Variants in AMZ2 observed in about 807,000 individuals in gnomAD.
AMZ2 encodes archaemetzincin-2.
AMZ2 carries 26 observed loss-of-function variants against 36.7 expected under a neutral mutation model. That is an observed-to-expected ratio of 0.71 (90% CI 0.52 to 0.98). The LOEUF (loss-of-function observed/expected upper bound fraction) is 0.98. AMZ2 is among the 50% of genes least tolerant of loss of function. The probability of loss-of-function intolerance (pLI) is 0.00; values close to 1 mark genes in which losing one functional copy is unlikely to be tolerated. For missense variants in AMZ2, 394 were observed against 430.5 expected, an observed-to-expected ratio of 0.92 and a Z score of 0.75; for synonymous variants, 144 against 149.1, an observed-to-expected ratio of 0.97 and a Z score of 0.25.
chr17:68,247,967 G>A (rs1259096294), upstream of AMZ2: 19 of 984,804 alleles, frequency 1.9e-5, 1 homozygote, highest in Admixed American at 9.8e-4. Flanking sequence ...GTTGGGCGGG[G>A]CCCACAGGGC....
At chr17:68,254,335 C>T (rs1200051333) in intron 4 of AMZ2, 69 bp from the exon 5 acceptor site, 2 of 1,490,436 alleles carry the variant, frequency 1.3e-6, no homozygotes, top group East Asian at 2.3e-5. Flanking sequence ...GGCCAGCAGT[C>T]TCTTCTTTCT....
chr17:68,238,220 T>C (rs1320259588), intron 1 of AMZ2, among the ~76,000 whole-genome samples: 2 of 152,170 alleles, frequency 1.3e-5, no homozygotes. Flanking sequence ...TCTTCTTCTT[T>C]TTTTAAATAG....
intron 1 of AMZ2, among the ~76,000 whole-genome samples, chr17:68,238,056 A>G (rs1555733163): frequency 6.6e-6 from 1 of 152,162 alleles, no homozygotes; most frequent in East Asian, 1.9e-4. Context: ...GGCGAAATTG[A>G]AAGAAAAACT....
At chr17:68,209,632 A>ATATATATATATATATGTATATATTTT in intron 1 of AMZ2, among the ~76,000 whole-genome samples, 1 of 90,700 alleles carries the variant, frequency 1.1e-5, no homozygotes, top group South Asian at 3.9e-4. Context: ...ATATATATAT[A>ATATATATATATATATGTATATATTTT]TTTTTTTTTT....
At chr17:68,226,911 C>G in intron 1 of AMZ2, among the ~76,000 whole-genome samples, 1 of 147,162 alleles carries the variant, frequency 6.8e-6, no homozygotes, top group Non-Finnish European at 1.5e-5. Context: ...TCCTAGGGTC[C>G]CAGTTTGCTG....
chr17:68,230,317 ACTCGC>A (rs1183204315), intron 1 of AMZ2, among the ~76,000 whole-genome samples: 1 of 152,044 alleles, frequency 6.6e-6, no homozygotes, highest in Non-Finnish European at 1.5e-5. Flanking sequence ...CAGGTGATCC[ACTCGC>A]CTCGGCCTCC....
chr17:68,248,010 A>AGGGGCGTGGCGCCAGTGGGC (rs1469181756), upstream of AMZ2: 2 of 986,116 alleles, frequency 2.0e-6, no homozygotes, highest in South Asian at 4.7e-5. Flanking sequence ...GCGTGGCGTA[A>AGGGGCGTGGCGCCAGTGGGC]GGGGCGTGGC....
intron 4 of AMZ2, among the ~76,000 whole-genome samples, chr17:68,251,718 C>T (rs1225171033): frequency 2.0e-5 from 3 of 152,006 alleles, no homozygotes; most frequent in East Asian, 3.9e-4. Flanking sequence ...TACAGCATAA[C>T]AGCTAGTAAA....
Position 68,248,094 on chromosome 17 carries a change from G to T in AMZ2, c.-612G>T, listed in dbSNP as rs561745758. On this transcript the variant is annotated 5_prime_UTR_variant, in exon 1 of 7. Coordinates refer to ENST00000359904, the MANE Select transcript of AMZ2 (RefSeq NM_016627.5). ...GCGTGAGGGCTGCCGCGGGTGGGTG[G>T]TATCGAGGCCTGTCGGGTCAGGGCG... 1.0e-6 allele frequency: 1 copy of T among 986,286 alleles called. No individual in the cohort carries two copies. The highest frequency in any genetic ancestry group is 1.7e-5 in the African/African-American group (1 of 57,264). The allele number at this position is 986,286 out of a possible 1,614,324, so 61.1% of individuals were successfully genotyped here. A position where few individuals can be genotyped will look rare whatever the true frequency, so the allele number is the denominator to read the frequency against.
intron 1 of AMZ2, among the ~76,000 whole-genome samples, chr17:68,232,400 G>A (rs1934224734): frequency 6.6e-6 from 1 of 151,002 alleles, no homozygotes; most frequent in Non-Finnish European, 1.5e-5. Flanking sequence ...GGAGGCTAAA[G>A]CAGGAGGATT....
intron 1 of AMZ2, among the ~76,000 whole-genome samples, chr17:68,234,362 C>T (rs782622428): frequency 5.3e-5 from 8 of 151,494 alleles, no homozygotes; most frequent in Non-Finnish European, 8.8e-5. Flanking sequence ...GTGAAAGGAT[C>T]GCCTGAGCCC....
At chr17:68,207,156 T>G (rs1375539592) in intron 1 of AMZ2, 22 of 152,334 alleles carry the variant, frequency 1.4e-4, no homozygotes, top group Non-Finnish European at 2.8e-4. Context: ...CACAGCATCA[T>G]TATCAGATTT....
chr17:68,248,231 A>G lies in AMZ2; in HGVS notation c.-475A>G. On this transcript the variant is annotated 5_prime_UTR_variant, in exon 1 of 7. Coordinates refer to ENST00000359904, the MANE Select transcript of AMZ2 (RefSeq NM_016627.5). ...CGGGATGAGGATGTAGGAGGGGCGG[A>G]CGTGGCGGAAGCCGCGGGGTCCGCG... 7 of 985,698 alleles carry G rather than the reference A, an allele frequency of 7.1e-6. No individual in the cohort carries two copies. Among genetic ancestry groups the G allele is most frequent in the Non-Finnish European group, 8.4e-6 (7 of 830,134 alleles). 61.1% of individuals were successfully genotyped at this position (985,698 alleles called of 1,614,324 possible). A position where few individuals can be genotyped will look rare whatever the true frequency, so the allele number is the denominator to read the frequency against.
chr17:68,211,734 ATATGTG>A (rs1351064633), intron 1 of AMZ2, among the ~76,000 whole-genome samples: 4,116 of 107,960 alleles, frequency 0.038, 243 homozygotes, highest in African/African-American at 0.13. Flanking sequence ...GTATATGTAT[ATATGTG>A]TATATGTATA....
intron 1 of AMZ2, among the ~76,000 whole-genome samples, chr17:68,236,754 A>G (rs1555732680): frequency 2.0e-5 from 3 of 151,352 alleles, no homozygotes; most frequent in African/African-American, 2.4e-5. Context: ...TTTTTTATAT[A>G]TATTTTAGTA....
intron 1 of AMZ2, 131 bp downstream of exon 1, chr17:68,248,836 C>A (rs772147496): frequency 9.6e-6 from 9 of 937,822 alleles, no homozygotes; most frequent in Non-Finnish European, 1.2e-5. Context: ...GACATTTGGT[C>A]TGGAATTTTA....
intron 1 of AMZ2, among the ~76,000 whole-genome samples, chr17:68,212,647 A>G (rs2073097332): frequency 1.3e-5 from 2 of 151,872 alleles, no homozygotes; most frequent in South Asian, 4.2e-4. Context: ...GCTAACTGCC[A>G]CCTCCACCTC....
Position 68,255,686 on chromosome 17 carries a change from T to C in AMZ2, c.751-14T>C, listed in dbSNP as rs1555742326. 20 of 1,611,002 alleles carry C rather than the reference T, an allele frequency of 1.2e-5. No homozygotes were observed. Among genetic ancestry groups the C allele is most frequent in the Non-Finnish European group, 1.5e-5 (18 of 1,177,590 alleles). Reference sequence around the variant, plus strand: ...ATGGTGGTCTTATAAAGCCTCAACATGATTGTCTTGCAGACTTTAACCCAT... The same window carrying C: ...ATGGTGGTCTTATAAAGCCTCAACACGATTGTCTTGCAGACTTTAACCCAT... On this transcript the variant is annotated splice_polypyrimidine_tract_variant and intron_variant, in intron 5 of 6. Transcript: ENST00000359904.
At chr17:68,212,675 T>A (rs566688804) in intron 1 of AMZ2, among the ~76,000 whole-genome samples, 1 of 152,188 alleles carries the variant, frequency 6.6e-6, no homozygotes, top group East Asian at 1.9e-4. Flanking sequence ...CAAGCGATAC[T>A]CCCACCTCAG....
Sources: allele counts gnomAD v4.1 joint callset (sites outside exome capture counted in the v4.1 genomes callset), GRCh38; gene constraint gnomAD v4.1.1; transcripts MANE v1.5; gene names NCBI Gene and HGNC (gene_info 2026-07-23, HGNC 2026-07-21).